The following IL1RAPL2 variants were observed in gnomAD, a reference collection of about 807,000 sequenced individuals.
IL1RAPL2 encodes the protein interleukin 1 receptor accessory protein like 2.
A neutral mutation model predicts 44.1 loss-of-function variants in IL1RAPL2; 3 were observed. The ratio of observed to expected loss-of-function variants is 0.07; its 90% CI spans 0.03 to 0.18. The LOEUF (loss-of-function observed/expected upper bound fraction) is 0.18. Ranked by LOEUF, IL1RAPL2 falls within the 10% of genes least tolerant of loss-of-function variation. The pLI is 1.00. For synonymous variants in IL1RAPL2, 181 were observed against 178.8 expected, an observed-to-expected ratio of 1.01 and a Z score of -0.10; for missense variants, 391 against 496.4, an observed-to-expected ratio of 0.79 and a Z score of 2.02.
At chrX:105,061,212 A>G (rs1467204440) in intron 2 of IL1RAPL2, among the ~76,000 whole-genome samples, 1 of 111,196 alleles carries the variant, frequency 9.0e-6, no homozygotes, top group African/African-American at 3.3e-5. Context: ...CTTTCACTGT[A>G]TCCCATAGGT....
At chrX:105,238,721 A>G (rs2034143145) in intron 4 of IL1RAPL2, among the ~76,000 whole-genome samples, 1 of 111,273 alleles carries the variant, frequency 9.0e-6, no homozygotes, top group South Asian at 3.9e-4. Flanking sequence ...ATGGCCTCCC[A>G]TAATTTTGTT....
In IL1RAPL2 at chrX:105,698,538, T is replaced by C. The variant is rs1448484571; in HGVS notation, c.773-18829T>C. ...ACCTCTGTATATAGTTAGATTATGC[T>C]AGCCACCCCAGTATCAAATGACTTC... On this transcript the variant is annotated intron_variant, in intron 6 of 10. Coordinates refer to ENST00000372582, the MANE Select transcript of IL1RAPL2 (RefSeq NM_017416.2). Among the ~76,000 whole-genome samples, 8 of 111,764 alleles carry C rather than the reference T, an allele frequency of 7.2e-5. 1 individual carries two copies. The East Asian group carries it at 2.3e-3, about 32-fold the overall frequency.
At chrX:105,226,461 G>A (rs1556189094) in intron 3 of IL1RAPL2, among the ~76,000 whole-genome samples, 2 of 84,843 alleles carry the variant, frequency 2.4e-5, no homozygotes, top group East Asian at 8.6e-4. Flanking sequence ...GCAATGGTGT[G>A]ATCTCAGCTC....
intron 2 of IL1RAPL2, among the ~76,000 whole-genome samples, chrX:105,107,189 T>G (rs975229956): frequency 8.9e-6 from 1 of 112,491 alleles, no homozygotes; most frequent in South Asian, 3.7e-4. Flanking sequence ...ATTATCTTAA[T>G]GAGAAAACCA....
chrX:105,721,317 A>G (rs916174882), intron 7 of IL1RAPL2, among the ~76,000 whole-genome samples: 1 of 110,327 alleles, frequency 9.1e-6, no homozygotes, highest in Non-Finnish European at 1.9e-5. Context: ...TCGGGAGGCT[A>G]AGACGGGAGA....
At chrX:105,269,808 T>G (rs1402516519) in intron 5 of IL1RAPL2, among the ~76,000 whole-genome samples, 1 of 111,923 alleles carries the variant, frequency 8.9e-6, no homozygotes, top group Non-Finnish European at 1.9e-5. Flanking sequence ...CTTGTAACAT[T>G]ATAGTATTTG....
At chrX:105,084,047 T>C (rs2032448362) in intron 2 of IL1RAPL2, among the ~76,000 whole-genome samples, 1 of 112,447 alleles carries the variant, frequency 8.9e-6, no homozygotes, top group South Asian at 3.7e-4. Flanking sequence ...AGTCAAGAAC[T>C]GACATTTAGA....
At chrX:105,552,995 T>C (rs1322317222) in intron 6 of IL1RAPL2, among the ~76,000 whole-genome samples, 1 of 112,088 alleles carries the variant, frequency 8.9e-6, no homozygotes, top group Non-Finnish European at 1.9e-5. Flanking sequence ...CCAAATTGTT[T>C]TCTGAAAAGT....
At chrX:104,768,504 AAC>A (rs765603402) in intron 2 of IL1RAPL2, among the ~76,000 whole-genome samples, 2 of 111,391 alleles carry the variant, frequency 1.8e-5, no homozygotes, top group East Asian at 5.7e-4. Flanking sequence ...AGCCTTCTCA[AAC>A]ACTGTTTATA....
chrX:105,497,342 T>C, intron 6 of IL1RAPL2, among the ~76,000 whole-genome samples: 2 of 111,086 alleles, frequency 1.8e-5, no homozygotes, highest in Middle Eastern at 4.8e-3. Flanking sequence ...ACCAGAAAGA[T>C]GTAGAAAACT....
chrX:104,623,229 G>T (rs12557833), intron 1 of IL1RAPL2, among the ~76,000 whole-genome samples: 2,054 of 110,596 alleles, frequency 0.019, 24 homozygotes, highest in Middle Eastern at 0.042. Context: ...CTAGGTTAAA[G>T]GAAACAGTAG....
rs150275955 is a variant in IL1RAPL2 at position 104,788,502 on chromosome X, A to G, written c.82+129507A>G. ...ATTATATGCAAAGTATTAATCAACT[A>G]TATGCAAAGTACTCATCAACTATAT... is the stretch of plus-strand genomic sequence containing the variant. On this transcript the variant is annotated intron_variant, in intron 2 of 10. Transcript: ENST00000372582. Among the ~76,000 whole-genome samples the G allele has an allele frequency of 8.5e-3, 952 of 112,369 alleles. 13 individuals are homozygous for G. Among genetic ancestry groups the G allele is most frequent in the African/African-American group, 0.029 (888 of 30,961 alleles).
chrX:104,582,646 T>TTCTTTCTTTCTC (rs1928397561), intron 1 of IL1RAPL2, among the ~76,000 whole-genome samples: 3 of 90,652 alleles, frequency 3.3e-5, no homozygotes, highest in Non-Finnish European at 4.3e-5. Context: ...CTTTCTCTCT[T>TTCTTTCTTTCTC]TCTTTCTTTC....
At chrX:104,907,261 A>T (rs1257096022) in intron 2 of IL1RAPL2, among the ~76,000 whole-genome samples, 2 of 111,381 alleles carry the variant, frequency 1.8e-5, no homozygotes, top group African/African-American at 6.5e-5. Context: ...CAGCTCCTGG[A>T]TTCATTAATT....
chrX:104,600,275 G>A (rs993359801), intron 1 of IL1RAPL2, among the ~76,000 whole-genome samples: 1 of 111,769 alleles, frequency 8.9e-6, no homozygotes, highest in African/African-American at 3.2e-5. Flanking sequence ...CTGCCATTGA[G>A]AGTCCAGGCC....
At chrX:105,251,855 A>C (rs1485524649) in intron 4 of IL1RAPL2, among the ~76,000 whole-genome samples, 1 of 111,303 alleles carries the variant, frequency 9.0e-6, no homozygotes, top group Non-Finnish European at 1.9e-5. Flanking sequence ...CAACTATAGA[A>C]ATGGAAAAGT....
intron 6 of IL1RAPL2, among the ~76,000 whole-genome samples, chrX:105,587,793 C>G (rs1276209822): frequency 8.9e-6 from 1 of 111,834 alleles, no homozygotes; most frequent in Non-Finnish European, 1.9e-5. Context: ...AATCCCAGCA[C>G]TTTGGGAGGC....
chrX:105,498,723 C>A (rs1227519751), intron 6 of IL1RAPL2, among the ~76,000 whole-genome samples: 1 of 111,403 alleles, frequency 9.0e-6, no homozygotes, highest in East Asian at 2.8e-4. Flanking sequence ...ATTAAAAAAA[C>A]AATAGAAATA....
chrX:105,134,444 G>C (rs370659388), intron 2 of IL1RAPL2, among the ~76,000 whole-genome samples: 39 of 111,896 alleles, frequency 3.5e-4, no homozygotes, highest in African/African-American at 1.1e-3. Flanking sequence ...ACTGTGCTAA[G>C]TTCTACAGAT....
Sources: gnomAD v4.1 joint callset for allele counts (sites outside exome capture counted in the v4.1 genomes callset) on GRCh38, gnomAD v4.1.1 for gene constraint, MANE v1.5 for transcripts, NCBI Gene and HGNC (gene_info 2026-07-23, HGNC 2026-07-21) for gene names.